The following ANKS3 variants were observed in gnomAD, a reference collection of about 807,000 sequenced individuals.
ANKS3 encodes ankyrin repeat and SAM domain-containing protein 3.
Under a neutral mutation model 80.7 loss-of-function variants are expected in ANKS3, and 62 were observed. The ratio of observed to expected loss-of-function variants is 0.77; its 90% CI spans 0.63 to 0.95. The LOEUF is 0.95. Among genes scored for constraint, ANKS3 ranks in the 40% least tolerant of loss-of-function variants. The pLI is 0.00. For missense variants in ANKS3, 1,150 were observed against 883.6 expected, an observed-to-expected ratio of 1.30 and a Z score of -3.82; for synonymous variants, 489 against 355.3, an observed-to-expected ratio of 1.38 and a Z score of -4.23.
chr16:4,730,563 G>A (rs978416172), intron 2 of ANKS3, among the ~76,000 whole-genome samples: 3 of 152,034 alleles, frequency 2.0e-5, no homozygotes, highest in African/African-American at 7.2e-5. Context: ...CTGGATTTGG[G>A]GTTTGATCAA....
At chr16:4,722,302 C>T (rs909382809) in intron 6 of ANKS3, among the ~76,000 whole-genome samples, 7 of 151,218 alleles carry the variant, frequency 4.6e-5, no homozygotes, top group African/African-American at 9.7e-5. Flanking sequence ...AATGGCCAGC[C>T]GGGCACAGTG....
At chr16:4,715,405 G>C (rs995674289) in intron 6 of ANKS3, among the ~76,000 whole-genome samples, 1 of 152,214 alleles carries the variant, frequency 6.6e-6, no homozygotes, top group Non-Finnish European at 1.5e-5. Context: ...GCTCAGAGGA[G>C]GAGGCGGGAC....
In ANKS3 at chr16:4,733,927, C is replaced by A; in HGVS notation, c.-71+11G>T. 5.1e-6 allele frequency: 5 copies of A among 985,504 alleles called. No individual in the cohort carries two copies. The highest frequency in any genetic ancestry group is 1.7e-5 in the African/African-American group (1 of 57,358). The allele number at this position is 985,504 out of a possible 1,614,324, so 61.0% of individuals were successfully genotyped here. Reference sequence around the variant, plus strand: ...CGGGGCGGGTCCCTGGCCGACAAACCCGTAACTCACAGCAGTGACGCTTCC... The same window carrying A: ...CGGGGCGGGTCCCTGGCCGACAAACACGTAACTCACAGCAGTGACGCTTCC... On this transcript the variant is annotated intron_variant, in intron 1 of 17. Coordinates refer to ENST00000304283, the MANE Select transcript of ANKS3 (RefSeq NM_133450.4).
At chr16:4,725,000 A>G (rs921258520) in intron 5 of ANKS3, 169 bp from the exon 6 acceptor site, 1 of 550,026 alleles carries the variant, frequency 1.8e-6, no homozygotes, top group Non-Finnish European at 3.2e-6. Flanking sequence ...AATATAACAC[A>G]TCAGCTCCAT....
At chr16:4,705,938 T>TC (rs397955863) in intron 7 of ANKS3, among the ~76,000 whole-genome samples, 2 of 151,998 alleles carry the variant, frequency 1.3e-5, no homozygotes, top group East Asian at 3.9e-4. Flanking sequence ...TTTTTTTTTT[T>TC]CTTTTGAGAA....
At chr16:4,701,642 G>A (rs1293328359) in intron 9 of ANKS3, 99 bp from the exon 10 acceptor site, 2 of 1,023,034 alleles carry the variant, frequency 2.0e-6, no homozygotes, top group Non-Finnish European at 2.8e-6. Context: ...GCACTCCTTG[G>A]GGCCTGCAGC....
intron 5 of ANKS3, among the ~76,000 whole-genome samples, chr16:4,725,998 T>TG (rs2081329707): frequency 3.6e-5 from 5 of 137,046 alleles, no homozygotes; most frequent in African/African-American, 5.5e-5. Flanking sequence ...TTTTTTGAGA[T>TG]GGAGTCTTGC....
At chr16:4,707,131 A>G (rs1354503109) in intron 7 of ANKS3, among the ~76,000 whole-genome samples, 2 of 152,178 alleles carry the variant, frequency 1.3e-5, no homozygotes, top group South Asian at 4.1e-4. Flanking sequence ...AAGCAAGGGA[A>G]CGGCAGCTGC....
chr16:4,726,615 G>A, intron 5 of ANKS3, 44 bp downstream of exon 5: 1 of 1,590,344 alleles, frequency 6.3e-7, no homozygotes, highest in East Asian at 2.3e-5. Context: ...AGAGTCAGAT[G>A]ACACCTAGGC....
intron 11 of ANKS3, 31 bp downstream of exon 11, chr16:4,700,939 G>T: frequency 6.2e-7 from 1 of 1,613,352 alleles, no homozygotes; most frequent in South Asian, 1.1e-5. Context: ...CCGTCTCTGA[G>T]TGTAACCTCC....
chr16:4,710,384 T>C (rs2080420400), intron 7 of ANKS3, among the ~76,000 whole-genome samples: 1 of 152,176 alleles, frequency 6.6e-6, no homozygotes, highest in South Asian at 2.1e-4. Context: ...CATAAATATG[T>C]AGTTATTTTG....
intron 6 of ANKS3, among the ~76,000 whole-genome samples, chr16:4,719,635 C>G (rs541050505): frequency 6.7e-6 from 1 of 149,726 alleles, no homozygotes; most frequent in Non-Finnish European, 1.5e-5. Flanking sequence ...AGATTTTTGT[C>G]TCTACAAAAA....
At chr16:4,730,185 T>C in intron 2 of ANKS3, 34 bp from the exon 3 acceptor site, 3 of 1,454,486 alleles carry the variant, frequency 2.1e-6, no homozygotes, top group Non-Finnish European at 2.7e-6. Flanking sequence ...AGATCTTTCC[T>C]GGCTGGTTGT....
At chr16:4,729,082 G>C (rs1221475274) in intron 3 of ANKS3, among the ~76,000 whole-genome samples, 4 of 152,224 alleles carry the variant, frequency 2.6e-5, no homozygotes, top group Non-Finnish European at 5.9e-5. Flanking sequence ...GGAACATAAG[G>C]GGGTGGAAGT....
At chr16:4,717,487 C>T (rs1206748411) in intron 6 of ANKS3, 1 of 151,470 alleles carries the variant, frequency 6.6e-6, no homozygotes, top group East Asian at 1.9e-4. Flanking sequence ...AGAATCGCTT[C>T]AACACGGGAG....
chr16:4,700,388 GC>G, intron 11 of ANKS3: 1 of 179,996 alleles, frequency 5.6e-6, no homozygotes, highest in Non-Finnish European at 1.2e-5. Context: ...CTGCACTCCA[GC>G]CCAGATGACA....
In ANKS3 at chr16:4,705,168, G is replaced by A; in HGVS notation, c.795C>T (p.Ile265=). 6.2e-7 allele frequency: 1 copy of A among 1,613,830 alleles called. No homozygotes were observed. The highest frequency in any genetic ancestry group is 8.5e-7 in the Non-Finnish European group (1 of 1,180,046). ...QRPCRKKGVS[I]HEGPRALARI... is the part of the protein sequence containing the mutation. ...TGGCCAGGGCTCGCGGTCCCTCGTG[G>A]ATGCTGACACCCTTCTTCCGGCAAG... The change falls in exon 8 of 18, where the codon ATC becomes ATT. Residue 265 remains isoleucine, a synonymous_variant. Transcript: ENST00000304283.
chr16:4,697,641 G>A (rs9935724), intron 15 of ANKS3, among the ~76,000 whole-genome samples: 7,838 of 152,310 alleles, frequency 0.051, 677 homozygotes, highest in African/African-American at 0.18. Context: ...CCGAGAGAAG[G>A]CAAAGCTCTG....
Position 4,729,966 on chromosome 16 carries a change from C to A in ANKS3, c.170+14G>T. ...TGCTCAAAATGTGAGAGGAAGTTCCCCGAGATCTCTTACCGCTGCACACAC... is the reference window on the plus strand; with the variant it reads ...TGCTCAAAATGTGAGAGGAAGTTCCACGAGATCTCTTACCGCTGCACACAC... On this transcript the variant is annotated intron_variant, in intron 3 of 17. Transcript: ENST00000304283. The A allele has an allele frequency of 6.9e-7, 1 of 1,458,868 alleles. No individual in the cohort carries two copies. The allele number at this position is 1,458,868 out of a possible 1,614,324, so 90.4% of individuals were successfully genotyped here. A position where few individuals can be genotyped will look rare whatever the true frequency, so the allele number is the denominator to read the frequency against.
Sources: allele counts gnomAD v4.1 joint callset (sites outside exome capture counted in the v4.1 genomes callset), GRCh38; gene constraint gnomAD v4.1.1; transcripts MANE v1.5; gene names NCBI Gene and HGNC (gene_info 2026-07-23, HGNC 2026-07-21).